Variants in TSHZ2 observed in about 807,000 individuals in gnomAD.
The protein encoded by TSHZ2 is teashirt homolog 2.
In TSHZ2, 21 loss-of-function variants were observed where a neutral mutation model predicts 74.4. The ratio of observed to expected loss-of-function variants is 0.28; its 90% CI spans 0.20 to 0.41. TSHZ2 has a LOEUF of 0.41. Ranked by LOEUF, TSHZ2 falls within the 10% of genes least tolerant of loss-of-function variation. The pLI, the probability that TSHZ2 is intolerant of heterozygous loss-of-function variation, is 1.00. For missense variants in TSHZ2, 1,244 were observed against 1,293.5 expected, an observed-to-expected ratio of 0.96 and a Z score of 0.59; for synonymous variants, 540 against 515.3, an observed-to-expected ratio of 1.05 and a Z score of -0.65.
At chr20:53,072,546 G>A (rs990054116) in intron 1 of TSHZ2, among the ~76,000 whole-genome samples, 2 of 152,160 alleles carry the variant, frequency 1.3e-5, no homozygotes, top group Non-Finnish European at 2.9e-5. Context: ...AACATGAAAG[G>A]GGTGAATCTA....
intron 1 of TSHZ2, among the ~76,000 whole-genome samples, chr20:53,192,424 CT>C (rs1468076409): frequency 6.6e-6 from 1 of 151,992 alleles, no homozygotes; most frequent in African/African-American, 2.4e-5. Flanking sequence ...AGAGCAAAAG[CT>C]TAGTAAATGT....
intron 2 of TSHZ2, among the ~76,000 whole-genome samples, chr20:53,425,867 G>A (rs539896029): frequency 6.6e-6 from 1 of 151,794 alleles, no homozygotes; most frequent in Middle Eastern, 3.4e-3. Context: ...TACAGAAACA[G>A]GTAGCAGGCT....
At chr20:53,240,531 G>A (rs1280820388) in intron 1 of TSHZ2, among the ~76,000 whole-genome samples, 1 of 152,086 alleles carries the variant, frequency 6.6e-6, no homozygotes, top group Non-Finnish European at 1.5e-5. Flanking sequence ...TCACTCAAAG[G>A]TGTTAGAAGC....
chr20:53,032,642 G>A (rs6123243), intron 1 of TSHZ2, among the ~76,000 whole-genome samples: 22,512 of 152,150 alleles, frequency 0.15, 2,077 homozygotes, highest in East Asian at 0.26. Flanking sequence ...GTCAGACCCC[G>A]GGGAAAAATC....
chr20:53,126,232 G>A (rs963779653), intron 1 of TSHZ2, among the ~76,000 whole-genome samples: 3 of 152,206 alleles, frequency 2.0e-5, no homozygotes, highest in Non-Finnish European at 4.4e-5. Context: ...TTGGCAGAGC[G>A]ATGTCCACAA....
chr20:53,171,280 A>G (rs940044852), intron 1 of TSHZ2, among the ~76,000 whole-genome samples: 1 of 152,224 alleles, frequency 6.6e-6, no homozygotes, highest in Admixed American at 6.5e-5. Context: ...CATTTGCTTT[A>G]TGGCTACAAT....
intron 2 of TSHZ2, among the ~76,000 whole-genome samples, chr20:53,403,065 C>T (rs997563132): frequency 6.6e-6 from 1 of 152,182 alleles, no homozygotes; most frequent in Non-Finnish European, 1.5e-5. Flanking sequence ...CCTTCCCTCC[C>T]GCTCTCCAGT....
intron 2 of TSHZ2, among the ~76,000 whole-genome samples, chr20:53,379,551 C>T (rs1262731423): frequency 6.6e-6 from 1 of 152,052 alleles, no homozygotes; most frequent in Non-Finnish European, 1.5e-5. Flanking sequence ...CTGAAGTTTG[C>T]AGAGCGGAAG....
intron 1 of TSHZ2, among the ~76,000 whole-genome samples, chr20:53,083,990 A>T (rs1385222617): frequency 6.6e-6 from 1 of 152,022 alleles, no homozygotes; most frequent in Non-Finnish European, 1.5e-5. Context: ...TCTCTGATTT[A>T]AAAAAACTAA....
At chr20:53,226,303 A>C (rs1989686175) in intron 1 of TSHZ2, among the ~76,000 whole-genome samples, 1 of 152,160 alleles carries the variant, frequency 6.6e-6, no homozygotes, top group Non-Finnish European at 1.5e-5. Context: ...TAAAAAAGAC[A>C]CAACAAAAAT....
chr20:53,068,954 TTAAAA>T (rs914591145), intron 1 of TSHZ2, among the ~76,000 whole-genome samples: 1 of 151,318 alleles, frequency 6.6e-6, no homozygotes, highest in African/African-American at 2.4e-5. Flanking sequence ...CCCGTTTTTC[TTAAAA>T]TAAAAAAAAA....
At chr20:52,997,033 G>T (rs1303486578) in intron 1 of TSHZ2, among the ~76,000 whole-genome samples, 1 of 152,154 alleles carries the variant, frequency 6.6e-6, no homozygotes, top group African/African-American at 2.4e-5. Flanking sequence ...TGCAACCTTT[G>T]TTTGGGGACA....
chr20:53,250,391 T>C (rs1990297048), intron 1 of TSHZ2, among the ~76,000 whole-genome samples: 1 of 152,218 alleles, frequency 6.6e-6, no homozygotes, highest in South Asian at 2.1e-4. Flanking sequence ...TCACCCCTGT[T>C]CTGGCTGCCT....
intron 1 of TSHZ2, among the ~76,000 whole-genome samples, chr20:53,123,834 C>T (rs1444095983): frequency 6.6e-6 from 1 of 152,152 alleles, no homozygotes; most frequent in Non-Finnish European, 1.5e-5. Flanking sequence ...GGGCTTTGAA[C>T]CCATACATGC....
intron 1 of TSHZ2, among the ~76,000 whole-genome samples, chr20:53,004,415 A>G (rs980763132): frequency 6.6e-6 from 1 of 152,198 alleles, no homozygotes; most frequent in Non-Finnish European, 1.5e-5. Context: ...ATGATACAGC[A>G]GTTGACCATG....
chr20:53,332,014 G>T (rs1484401456), intron 2 of TSHZ2, among the ~76,000 whole-genome samples: 1 of 152,134 alleles, frequency 6.6e-6, no homozygotes, highest in Non-Finnish European at 1.5e-5. Flanking sequence ...GCCCTCCTCT[G>T]GGGTCCCATT....
At chr20:52,987,996 T>C (rs2122904061) in intron 1 of TSHZ2, among the ~76,000 whole-genome samples, 1 of 152,358 alleles carries the variant, frequency 6.6e-6, no homozygotes, top group African/African-American at 2.4e-5. Context: ...TTTTTCATAC[T>C]TTTTCAATGA....
At chr20:53,417,887 G>A (rs1035630205) in intron 2 of TSHZ2, among the ~76,000 whole-genome samples, 2 of 152,164 alleles carry the variant, frequency 1.3e-5, no homozygotes, top group Non-Finnish European at 1.5e-5. Context: ...AGCAAACACT[G>A]AGGACCTCCT....
intron 1 of TSHZ2, among the ~76,000 whole-genome samples, chr20:53,235,846 GA>G (rs1989929245): frequency 6.6e-6 from 1 of 152,158 alleles, no homozygotes; most frequent in Non-Finnish European, 1.5e-5. Context: ...AGGTCTTTAA[GA>G]ATGAAAGATA....
Sources: allele counts gnomAD v4.1 joint callset (sites outside exome capture counted in the v4.1 genomes callset), GRCh38; gene constraint gnomAD v4.1.1; transcripts MANE v1.5; gene names NCBI Gene and HGNC (gene_info 2026-07-23, HGNC 2026-07-21).